Variants in ARHGAP42 observed in about 807,000 individuals in gnomAD.
The protein encoded by ARHGAP42 is Rho GTPase activating protein 42.
In ARHGAP42, 63 loss-of-function variants were observed where a neutral mutation model predicts 125.0. The observed-to-expected ratio is 0.50, with a 90% CI of 0.41 to 0.62. The LOEUF (loss-of-function observed/expected upper bound fraction) is 0.62, where lower values mean the gene tolerates loss of function less well. ARHGAP42 is among the 20% of genes least tolerant of loss of function. The pLI is 0.00. For missense variants in ARHGAP42, 766 were observed against 1,024.2 expected (o/e 0.75, Z 3.44); for synonymous variants, 339 against 351.0 (o/e 0.97, Z 0.38).
intron 1 of ARHGAP42, among the ~76,000 whole-genome samples, chr11:100,735,602 C>CTTTTTTTTT (rs58522622): frequency 8.2e-5 from 6 of 73,064 alleles, no homozygotes; most frequent in South Asian, 5.2e-4. Context: ...TTTACTTGTA[C>CTTTTTTTTT]TTTTTTTTTT....
intron 1 of ARHGAP42, among the ~76,000 whole-genome samples, chr11:100,768,520 A>G (rs1862888074): frequency 6.6e-6 from 1 of 152,182 alleles, no homozygotes; most frequent in African/African-American, 2.4e-5. Flanking sequence ...AATTTGGCCA[A>G]GGAGGGAGAA....
At chr11:100,801,713 G>A (rs1863855628) in intron 3 of ARHGAP42, among the ~76,000 whole-genome samples, 1 of 152,126 alleles carries the variant, frequency 6.6e-6, no homozygotes, top group Admixed American at 6.6e-5. Context: ...TGGAAAGTAT[G>A]TTTCAGAACC....
intron 8 of ARHGAP42, 82 bp from the exon 9 acceptor site, chr11:100,941,702 A>G (rs1401302133): frequency 2.6e-6 from 2 of 764,584 alleles, no homozygotes; most frequent in East Asian, 2.9e-5. Flanking sequence ...TCGGTTGTAT[A>G]TCATAGCACT....
At chr11:100,972,970 G>A (rs1295196567) in intron 17 of ARHGAP42, among the ~76,000 whole-genome samples, 1 of 152,044 alleles carries the variant, frequency 6.6e-6, no homozygotes, top group Non-Finnish European at 1.5e-5. Flanking sequence ...TGTTTTGCCT[G>A]TAATTATGTT....
chr11:100,961,888 A>C (rs1170931787), intron 15 of ARHGAP42, 120 bp downstream of exon 15: 6 of 698,784 alleles, frequency 8.6e-6, no homozygotes, highest in Non-Finnish European at 1.4e-5. Flanking sequence ...CAGTTCCCTT[A>C]CATAAGGTGA....
chr11:100,948,238 G>C (rs185262580), intron 10 of ARHGAP42, among the ~76,000 whole-genome samples: 1 of 152,104 alleles, frequency 6.6e-6, no homozygotes, highest in East Asian at 1.9e-4. Context: ...TATCACCTGT[G>C]ATCATTAGAA....
At chr11:100,940,483 T>G (rs566479987) in intron 8 of ARHGAP42, among the ~76,000 whole-genome samples, 7 of 152,278 alleles carry the variant, frequency 4.6e-5, no homozygotes, top group African/African-American at 1.7e-4. Context: ...GTCTTCCACC[T>G]TGGTCATGGA....
intron 4 of ARHGAP42, among the ~76,000 whole-genome samples, chr11:100,906,480 T>C (rs978176787): frequency 7.2e-5 from 11 of 152,180 alleles, no homozygotes; most frequent in African/African-American, 2.7e-4. Context: ...TAGGTTTTCA[T>C]TTTATCCATG....
intron 1 of ARHGAP42, among the ~76,000 whole-genome samples, chr11:100,741,522 T>C (rs1191210313): frequency 1.3e-5 from 2 of 152,232 alleles, no homozygotes; most frequent in African/African-American, 4.8e-5. Flanking sequence ...TTCCCTGCCT[T>C]GCCTCTGCAG....
rs1398992799 is a variant in ARHGAP42 at position 100,973,352 on chromosome 11, G to A, written c.1710+18G>A. 2 of 1,547,828 alleles carry A rather than the reference G, an allele frequency of 1.3e-6. No homozygotes were observed. The highest frequency in any genetic ancestry group is 2.5e-5 in the East Asian group (1 of 40,802). On this transcript the variant is annotated intron_variant, in intron 18 of 23. Coordinates refer to ENST00000298815, the MANE Select transcript of ARHGAP42 (RefSeq NM_152432.4). Reference sequence around the variant, plus strand: ...ATGAAAAGGTAGGCGGAATTTTCATGTGGAAGTGTCAAGTTTTATATCTTG... The same window carrying A: ...ATGAAAAGGTAGGCGGAATTTTCATATGGAAGTGTCAAGTTTTATATCTTG...
intron 6 of ARHGAP42, among the ~76,000 whole-genome samples, chr11:100,928,341 A>ATCC (rs1867483850): frequency 6.6e-6 from 1 of 152,096 alleles, no homozygotes; most frequent in African/African-American, 2.4e-5. Flanking sequence ...CACACCTGTA[A>ATCC]TCCCAGCAAG....
chr11:100,744,557 T>TGTGTGTGTGC (rs1565551689), intron 1 of ARHGAP42, among the ~76,000 whole-genome samples: 1 of 150,554 alleles, frequency 6.6e-6, no homozygotes, highest in Non-Finnish European at 1.5e-5. Context: ...TGTGTGTGTG[T>TGTGTGTGTGC]GTGTGTGCGT....
At chr11:100,837,576 A>T (rs543585975) in intron 3 of ARHGAP42, among the ~76,000 whole-genome samples, 16 of 150,272 alleles carry the variant, frequency 1.1e-4, no homozygotes, top group Non-Finnish European at 1.6e-4. Flanking sequence ...TACTATATGG[A>T]TAAGCATAAT....
intron 1 of ARHGAP42, among the ~76,000 whole-genome samples, chr11:100,740,721 T>C (rs1183896334): frequency 1.3e-5 from 2 of 152,206 alleles, no homozygotes; most frequent in Non-Finnish European, 2.9e-5. Context: ...TGGCAGCTGC[T>C]CCTTCTGCCT....
At chr11:100,836,730 C>CTTTTT (rs200596327) in intron 3 of ARHGAP42, among the ~76,000 whole-genome samples, 1 of 123,252 alleles carries the variant, frequency 8.1e-6, no homozygotes. Context: ...TTGTTGTTTT[C>CTTTTT]TTTTTTTTTT....
At chr11:100,811,309 A>T (rs1053712097) in intron 3 of ARHGAP42, among the ~76,000 whole-genome samples, 3 of 152,196 alleles carry the variant, frequency 2.0e-5, no homozygotes, top group African/African-American at 7.2e-5. Flanking sequence ...TGTGTATTGG[A>T]TACAGAACAA....
chr11:100,714,713 T>C (rs1344104701), intron 1 of ARHGAP42, among the ~76,000 whole-genome samples: 1 of 152,080 alleles, frequency 6.6e-6, no homozygotes, highest in Non-Finnish European at 1.5e-5. Flanking sequence ...TTCATCAGGT[T>C]AAACTACAAC....
At chr11:100,896,851 C>T (rs1400142803) in intron 4 of ARHGAP42, among the ~76,000 whole-genome samples, 5 of 152,100 alleles carry the variant, frequency 3.3e-5, no homozygotes, top group African/African-American at 1.2e-4. Context: ...TAATTAGATG[C>T]CATTTGTCTA....
chr11:100,825,254 T>G lies in ARHGAP42; in HGVS notation c.312+30088T>G, dbSNP rs186292661. ...ATTATATTGTCCTTATATTATGTTC[T>G]ATGTTTATTTCTCATACTATGCCTT... On this transcript the variant is annotated intron_variant, in intron 3 of 23. Coordinates refer to ENST00000298815, the MANE Select transcript of ARHGAP42 (RefSeq NM_152432.4). 2.0e-5 allele frequency among the ~76,000 whole-genome samples: 3 copies of G among 152,342 alleles called. No individual in the cohort carries two copies. The East Asian group carries it at 5.8e-4, about 29-fold the overall frequency.
Sources: allele counts gnomAD v4.1 joint callset (sites outside exome capture counted in the v4.1 genomes callset), GRCh38; gene constraint gnomAD v4.1.1; transcripts MANE v1.5; gene names NCBI Gene and HGNC (gene_info 2026-07-23, HGNC 2026-07-21).